ATOSA: variants seen among roughly 807,000 people sequenced by gnomAD.
The protein encoded by ATOSA is atos homolog protein A.
At chr15:52,665,266 T>G in the ATOSA span, among the ~76,000 whole-genome samples, 1 of 152,104 alleles carries the variant, frequency 6.6e-6, no homozygotes, top group Non-Finnish European at 1.5e-5. Flanking sequence ...AAAATAAAAG[T>G]TGAAATTACG....
chr15:52,598,071 C>A, the ATOSA span, among the ~76,000 whole-genome samples: 1 of 152,068 alleles, frequency 6.6e-6, no homozygotes, highest in Non-Finnish European at 1.5e-5. Context: ...TTGCAGTGAG[C>A]CAAGGTTGCA....
the ATOSA span, among the ~76,000 whole-genome samples, chr15:52,595,894 G>C: frequency 1.3e-5 from 2 of 152,136 alleles, no homozygotes; most frequent in Non-Finnish European, 2.9e-5. Flanking sequence ...TAGACTGCTT[G>C]AGGCCAGGAG....
chr15:52,653,931 G>A, the ATOSA span, among the ~76,000 whole-genome samples: 5 of 151,998 alleles, frequency 3.3e-5, no homozygotes, highest in Admixed American at 2.6e-4. Flanking sequence ...CATCTTATTT[G>A]ACCATCTTCA....
chr15:52,681,076 A>C, the ATOSA span, among the ~76,000 whole-genome samples: 2 of 152,246 alleles, frequency 1.3e-5, no homozygotes, highest in Non-Finnish European at 1.5e-5. Context: ...GCAGAAGCCA[A>C]GACTATTAGT....
chr15:52,623,506 A>G, the ATOSA span, among the ~76,000 whole-genome samples: 1 of 152,068 alleles, frequency 6.6e-6, no homozygotes, highest in Non-Finnish European at 1.5e-5. Context: ...AACTCATGAC[A>G]GAGCCCTGGG....
the ATOSA span, among the ~76,000 whole-genome samples, chr15:52,614,287 G>C: frequency 6.6e-6 from 1 of 151,556 alleles, no homozygotes; most frequent in African/African-American, 2.4e-5. Flanking sequence ...TGTATTTTTA[G>C]TAGAGAAGGG....
chr15:52,642,041 A>G, the ATOSA span, among the ~76,000 whole-genome samples: 2 of 152,250 alleles, frequency 1.3e-5, no homozygotes, highest in Non-Finnish European at 2.9e-5. Context: ...GTAGTCAACT[A>G]AGCACAACTA....
chr15:52,703,622 G>T, the ATOSA span, among the ~76,000 whole-genome samples: 2 of 151,604 alleles, frequency 1.3e-5, no homozygotes, highest in South Asian at 4.2e-4. Context: ...AAATACATAT[G>T]CACAAGGTTA....
At chr15:52,635,450 T>C in the ATOSA span, among the ~76,000 whole-genome samples, 1 of 152,176 alleles carries the variant, frequency 6.6e-6, no homozygotes, top group African/African-American at 2.4e-5. Context: ...GCCAGCACTT[T>C]GGGAGGCTGA....
chr15:52,643,590 C>CT, the ATOSA span, among the ~76,000 whole-genome samples: 11,090 of 136,564 alleles, frequency 0.081, 1,311 homozygotes, highest in African/African-American at 0.27. Flanking sequence ...GCCTTGAACT[C>CT]TTTTTTTTTT....
chr15:52,652,008 A>T, the ATOSA span: 1 of 1,524,128 alleles, frequency 6.6e-7, no homozygotes, highest in Non-Finnish European at 8.8e-7. Context: ...ACAAATGTTC[A>T]GCGTTGGGTG....
chr15:52,597,165 G>GTTCTGTTCTGTTCTGTTCTATTCTA, the ATOSA span, among the ~76,000 whole-genome samples: 11 of 24,726 alleles, frequency 4.4e-4, no homozygotes, highest in Non-Finnish European at 9.8e-4. Context: ...GTTCTGTTCT[G>GTTCTGTTCTGTTCTGTTCTATTCTA]TTCTATTCTA....
the ATOSA span, chr15:52,608,744 C>G: frequency 1.6e-5 from 25 of 1,610,678 alleles, no homozygotes; most frequent in East Asian, 5.6e-4. Flanking sequence ...AGATAATTCT[C>G]TATGCTATTA....
the ATOSA span, among the ~76,000 whole-genome samples, chr15:52,693,401 G>C: frequency 1.3e-5 from 2 of 152,086 alleles, no homozygotes. Flanking sequence ...GCCTGGGTGA[G>C]AGAGCGAGAC....
At chr15:52,700,998 G>T in the ATOSA span, among the ~76,000 whole-genome samples, 1 of 152,144 alleles carries the variant, frequency 6.6e-6, no homozygotes, top group Non-Finnish European at 1.5e-5. Context: ...TAAAGTTAAT[G>T]TAGAGAAACA....
chr15:52,599,349 G>T, the ATOSA span, among the ~76,000 whole-genome samples: 1 of 152,146 alleles, frequency 6.6e-6, no homozygotes, highest in Non-Finnish European at 1.5e-5. Context: ...CCTTGGAATT[G>T]ACATGGAAAA....
chr15:52,658,892 G>C, the ATOSA span: 2 of 395,894 alleles, frequency 5.1e-6, no homozygotes, highest in Non-Finnish European at 8.9e-6. Flanking sequence ...GACTGAGGCA[G>C]AAGGATTGCT....
chr15:52,650,973 CTT>C, the ATOSA span, among the ~76,000 whole-genome samples: 1 of 152,158 alleles, frequency 6.6e-6, no homozygotes, highest in African/African-American at 2.4e-5. Flanking sequence ...TATTAAAACA[CTT>C]TAAAACTTTC....
chr15:52,651,338 G>C, the ATOSA span, among the ~76,000 whole-genome samples: 1 of 152,096 alleles, frequency 6.6e-6, no homozygotes, highest in South Asian at 2.1e-4. Context: ...TTTGAGGTAG[G>C]ATTTTCAGAA....
Sources: allele counts gnomAD v4.1 joint callset (sites outside exome capture counted in the v4.1 genomes callset), GRCh38; gene constraint gnomAD v4.1.1; transcripts MANE v1.5; gene names NCBI Gene and HGNC (gene_info 2026-07-23, HGNC 2026-07-21).